PACRG: variants seen among roughly 807,000 people sequenced by gnomAD.
PACRG encodes parkin coregulated gene protein.
PACRG carries 29 observed loss-of-function variants against 29.7 expected under a neutral mutation model. That is an observed-to-expected ratio of 0.98 (90% confidence interval 0.73 to 1.33). The LOEUF (loss-of-function observed/expected upper bound fraction) is 1.33, where lower values mean the gene tolerates loss of function less well. Among genes scored for constraint, PACRG ranks in the 40% most tolerant of loss-of-function variants. The pLI, the probability that PACRG is intolerant of heterozygous loss-of-function variation, is 0.00. For synonymous variants in PACRG, 116 were observed against 118.7 expected (o/e 0.98, Z 0.15); for missense variants, 279 against 316.2 (o/e 0.88, Z 0.89).
intron 2 of PACRG, among the ~76,000 whole-genome samples, chr6:162,951,006 G>A (rs1180813194): frequency 6.6e-6 from 1 of 152,038 alleles, no homozygotes; most frequent in Non-Finnish European, 1.5e-5. Context: ...ATGAGATGAA[G>A]GATTTTACCC....
At chr6:163,059,912 G>A (rs1020099410) in intron 2 of PACRG, among the ~76,000 whole-genome samples, 1 of 152,078 alleles carries the variant, frequency 6.6e-6, no homozygotes, top group Non-Finnish European at 1.5e-5. Context: ...AAATAGACAT[G>A]TCAACAGTCT....
chr6:163,121,554 G>A (rs1164075158), intron 4 of PACRG, among the ~76,000 whole-genome samples: 3 of 151,506 alleles, frequency 2.0e-5, no homozygotes, highest in Middle Eastern at 3.5e-3. Flanking sequence ...AATACACCTA[G>A]TATGTGAATT....
intron 1 of PACRG, among the ~76,000 whole-genome samples, chr6:162,780,238 G>A (rs1292865537): frequency 6.6e-6 from 1 of 152,254 alleles, no homozygotes; most frequent in South Asian, 2.1e-4. Context: ...GGGGCATTGA[G>A]TAGAGTTCTA....
intron 2 of PACRG, among the ~76,000 whole-genome samples, chr6:162,879,522 T>C (rs1793655062): frequency 6.6e-6 from 1 of 151,994 alleles, no homozygotes; most frequent in South Asian, 2.1e-4. Context: ...TCTATTCTGT[T>C]CATCTACACT....
chr6:163,201,059 C>A (rs1375668960), intron 4 of PACRG, among the ~76,000 whole-genome samples: 1 of 152,200 alleles, frequency 6.6e-6, no homozygotes, highest in East Asian at 1.9e-4. Context: ...GTGCTCTGTT[C>A]ACGTTTTTCA....
At chr6:162,930,331 A>G (rs980226461) in intron 2 of PACRG, among the ~76,000 whole-genome samples, 1 of 151,598 alleles carries the variant, frequency 6.6e-6, no homozygotes, top group Non-Finnish European at 1.5e-5. Flanking sequence ...TGATTCCTAG[A>G]TATTTTATAT....
chr6:162,852,391 A>T lies in PACRG; in HGVS notation c.291+38110A>T, dbSNP rs138250423. 6.1e-4 allele frequency among the ~76,000 whole-genome samples: 93 copies of T among 152,322 alleles called. No individual in the cohort carries two copies. The South Asian group carries it at 8.5e-3, about 14-fold the overall frequency. ...CCCCGGGGGCCAGGGTGCTGCCAGC[A>T]GCAGAACCCCCAGCGCAGGCTGAGA... On this transcript the variant is annotated intron_variant, in intron 2 of 4. Transcript: ENST00000366888.
chr6:162,752,230 T>C (rs1223233363), intron 1 of PACRG, among the ~76,000 whole-genome samples: 5 of 152,110 alleles, frequency 3.3e-5, no homozygotes, highest in Non-Finnish European at 7.4e-5. Context: ...CAAAGCAATA[T>C]TATGCATTTT....
chr6:162,979,901 C>G (rs1802264108), intron 2 of PACRG, among the ~76,000 whole-genome samples: 1 of 151,920 alleles, frequency 6.6e-6, no homozygotes, highest in Non-Finnish European at 1.5e-5. Context: ...AAAATTCTCC[C>G]TCAGAGCTTT....
At chr6:162,743,266 G>A (rs1444469068) in intron 1 of PACRG, among the ~76,000 whole-genome samples, 4 of 151,688 alleles carry the variant, frequency 2.6e-5, no homozygotes, top group Admixed American at 2.0e-4. Context: ...TACTATTTTG[G>A]GTAATTTTAA....
At chr6:163,065,605 T>C (rs537721) in intron 3 of PACRG, among the ~76,000 whole-genome samples, 4,344 of 152,164 alleles carry the variant, frequency 0.029, 92 homozygotes, top group Non-Finnish European at 0.044. Flanking sequence ...GAAGGAAGTA[T>C]TGTGCACAAT....
At chr6:163,092,024 A>C (rs1814153230) in intron 4 of PACRG, among the ~76,000 whole-genome samples, 1 of 152,200 alleles carries the variant, frequency 6.6e-6, no homozygotes, top group African/African-American at 2.4e-5. Flanking sequence ...CTTTTATGTA[A>C]ATCAATGTCT....
rs1380584016 is a variant in PACRG, at chr6:162,947,249, TATATC to T, written c.292-114896_292-114892del. The stretch of plus-strand genomic sequence containing the variant: ...TATATATAATATAGATATATAAACA[TATATC>T]ATATATAATCTATATATAACCATAT... On this transcript the variant is annotated intron_variant, in intron 2 of 4. Transcript: ENST00000366888. Among the ~76,000 whole-genome samples the T allele has an allele frequency of 3.8e-3, 559 of 145,358 alleles. 4 individuals carry two copies. The highest frequency in any genetic ancestry group is 0.013 in the African/African-American group (515 of 39,634).
chr6:162,952,342 CTTG>C (rs1369424698), intron 2 of PACRG, among the ~76,000 whole-genome samples: 6 of 152,096 alleles, frequency 3.9e-5, no homozygotes, highest in African/African-American at 1.4e-4. Flanking sequence ...TTAGGAACCC[CTTG>C]TTGTATATAG....
intron 2 of PACRG, among the ~76,000 whole-genome samples, chr6:162,907,634 A>C (rs1191937360): frequency 1.3e-5 from 2 of 152,138 alleles, no homozygotes; most frequent in Non-Finnish European, 2.9e-5. Flanking sequence ...AGACCTATGA[A>C]GTATGCGTGA....
chr6:162,962,027 A>T (rs1800661764), intron 2 of PACRG, among the ~76,000 whole-genome samples: 1 of 151,878 alleles, frequency 6.6e-6, no homozygotes, highest in South Asian at 2.1e-4. Context: ...TTCCTCCTTG[A>T]ATTTCCTTTT....
In PACRG at chr6:163,315,301, T is replaced by G. The variant is rs951817146; in HGVS notation, c.*314T>G. 22 of 208,552 alleles carry G rather than the reference T, an allele frequency of 1.1e-4. No individual in the cohort carries two copies. Among genetic ancestry groups the G allele is most frequent in the African/African-American group, 5.1e-4 (22 of 43,306 alleles). 12.9% of individuals were successfully genotyped at this position (208,552 alleles called of 1,614,324 possible). ...GTTGTATAGACAATAAACTATAATTTTCATATGCAATTCAGCAATTGCTGT... is the reference window on the plus strand; with the variant it reads ...GTTGTATAGACAATAAACTATAATTGTCATATGCAATTCAGCAATTGCTGT... On this transcript the variant is annotated 3_prime_UTR_variant, in exon 5 of 5. Coordinates refer to ENST00000366888, the MANE Select transcript of PACRG (RefSeq NM_001080379.2).
chr6:162,760,240 T>C (rs1782241800), intron 1 of PACRG, among the ~76,000 whole-genome samples: 1 of 152,194 alleles, frequency 6.6e-6, no homozygotes, highest in African/African-American at 2.4e-5. Context: ...CTGTCAGCCA[T>C]GGCACACACA....
At chr6:163,220,944 G>A (rs1781562225) in intron 4 of PACRG, among the ~76,000 whole-genome samples, 1 of 152,122 alleles carries the variant, frequency 6.6e-6, no homozygotes, top group African/African-American at 2.4e-5. Context: ...ATGCAACTTG[G>A]GCTCTGCATC....
Sources: allele counts gnomAD v4.1 joint callset (sites outside exome capture counted in the v4.1 genomes callset), GRCh38; gene constraint gnomAD v4.1.1; transcripts MANE v1.5; gene names NCBI Gene and HGNC (gene_info 2026-07-23, HGNC 2026-07-21).